AKT2: variants seen among roughly 807,000 people sequenced by gnomAD.
AKT2 encodes AKT serine/threonine kinase 2.
AKT2 carries 16 observed loss-of-function variants against 58.6 expected under a neutral mutation model. That is an observed-to-expected ratio of 0.27 (90% CI 0.18 to 0.41). The LOEUF is 0.41. Among genes scored for constraint, AKT2 ranks in the 10% least tolerant of loss-of-function variants. AKT2 has a pLI of 1.00. For missense variants in AKT2, 438 were observed against 661.0 expected (o/e 0.66, Z 3.70); for synonymous variants, 253 against 254.0 (o/e 1.00, Z 0.04).
chr19:40,276,405 C>T (rs1302502706), intron 1 of AKT2, among the ~76,000 whole-genome samples: 7 of 111,702 alleles, frequency 6.3e-5, no homozygotes, highest in Non-Finnish European at 3.3e-5. Flanking sequence ...CTCACTCTGT[C>T]GCCAGGCTGG....
intron 2 of AKT2, among the ~76,000 whole-genome samples, chr19:40,261,904 C>T (rs891735772): frequency 6.5e-4 from 98 of 149,684 alleles, no homozygotes; most frequent in Non-Finnish European, 1.2e-3. Flanking sequence ...ATTTCATCCC[C>T]GTTTTTTTTT....
chr19:40,274,678 TGA>T (rs2077276674), intron 1 of AKT2: 1 of 246,734 alleles, frequency 4.1e-6, no homozygotes, highest in Admixed American at 4.8e-5. Context: ...CGGAAGCAGG[TGA>T]GAGAGCCGGG....
At chr19:40,284,944 A>C in intron 1 of AKT2, 3 of 322,716 alleles carry the variant, frequency 9.3e-6, no homozygotes, top group Non-Finnish European at 1.1e-5. Context: ...CCCGTCCCGC[A>C]AACTTGCAGC....
intron 1 of AKT2, chr19:40,268,944 T>C (rs960654184): frequency 6.6e-6 from 1 of 152,278 alleles, no homozygotes; most frequent in African/African-American, 2.4e-5. Flanking sequence ...CTGACCAATA[T>C]GGAGAAATCT....
chr19:40,265,335 C>A lies in AKT2; in HGVS notation c.-68G>T. The A allele has an allele frequency of 6.3e-7, 1 of 1,584,566 alleles. No homozygotes were observed. The highest frequency in any genetic ancestry group is 2.3e-5 in the East Asian group (1 of 44,268). ...GGGCAGCAGGACATGCAGGAGGCACCGTGGACAGGGCACAGTCTGCAAGAC... is the reference window on the plus strand; with the variant it reads ...GGGCAGCAGGACATGCAGGAGGCACAGTGGACAGGGCACAGTCTGCAAGAC... On this transcript the variant is annotated 5_prime_UTR_variant, in exon 2 of 14. Coordinates refer to ENST00000392038, the MANE Select transcript of AKT2 (RefSeq NM_001626.6).
Position 40,232,598 on chromosome 19 carries a change from G to A in AKT2, c.*1274C>T, listed in dbSNP as rs115411240. The A allele has an allele frequency of 1.1e-4, 25 of 233,278 alleles. No homozygotes were observed. Among genetic ancestry groups the A allele is most frequent in the African/African-American group, 5.1e-4 (23 of 45,402 alleles). The allele number at this position is 233,278 out of a possible 1,614,324, so 14.5% of individuals were successfully genotyped here. On this transcript the variant is annotated 3_prime_UTR_variant, in exon 14 of 14. Coordinates refer to ENST00000392038, the MANE Select transcript of AKT2 (RefSeq NM_001626.6). ...GGGAGGCGTGGGCAGGGCAGCTCAT[G>A]GATCACAGTGGGGCTCCTCCCACTA...
intron 7 of AKT2, 99 bp downstream of exon 7, chr19:40,239,946 A>G: frequency 6.9e-7 from 1 of 1,450,672 alleles, no homozygotes. Flanking sequence ...CGCCTGGCCT[A>G]CCCCAAGACT....
At position 40,236,684 on chromosome 19, in the gene AKT2, A is replaced by G. The variant is rs533731998; in HGVS notation, c.832-299T>C. The G allele has an allele frequency of 4.0e-4, 176 of 442,820 alleles. 1 individual carries two copies. Among genetic ancestry groups the G allele is most frequent in the Admixed American group, 1.3e-3 (36 of 28,468 alleles). The allele number at this position is 442,820 out of a possible 1,614,324, so 27.4% of individuals were successfully genotyped here. A position where few individuals can be genotyped will look rare whatever the true frequency, so the allele number is the denominator to read the frequency against. On this transcript the variant is annotated intron_variant, in intron 9 of 13. Coordinates refer to ENST00000392038, the MANE Select transcript of AKT2 (RefSeq NM_001626.6). ...TGGTTCTTATTTCGAACGTGGGGGCACTAGCTTTCTTCTATTCTTTTTTTC... is the reference window on the plus strand; with the variant it reads ...TGGTTCTTATTTCGAACGTGGGGGCGCTAGCTTTCTTCTATTCTTTTTTTC...
At position 40,257,008 on chromosome 19, in the gene AKT2, G is replaced by A. The variant is rs35588791; in HGVS notation, c.93C>T (p.Ser31=). ...TWRPRYFLLK[S]DGSFIGYKER... ...CCTTGTACCCAATGAAGGAGCCGTCGCTCTTCAGCAGGAAGTACCGTGGCC... is the reference window on the plus strand; with the variant it reads ...CCTTGTACCCAATGAAGGAGCCGTCACTCTTCAGCAGGAAGTACCGTGGCC... The change falls in exon 3 of 14, where the codon AGC becomes AGT. Residue 31 remains serine (S), a synonymous_variant. Transcript: ENST00000392038. 6,859 of 1,614,128 alleles carry A rather than the reference G, an allele frequency of 4.2e-3. 38 individuals are homozygous for A. The highest frequency in any genetic ancestry group is 0.011 in the South Asian group (1,024 of 91,084).
chr19:40,280,100 C>T (rs958107669), intron 1 of AKT2, among the ~76,000 whole-genome samples: 5 of 152,244 alleles, frequency 3.3e-5, no homozygotes, highest in East Asian at 1.9e-4. Context: ...GGGTGCTGGG[C>T]GCCAGTCACA....
rs1568519554 is a variant in AKT2 at position 40,236,278 on chromosome 19, G to T, written c.939C>A (p.Thr313=). 1 of 1,613,974 alleles carries T rather than the reference G, an allele frequency of 6.2e-7. No homozygotes were observed. The highest frequency in any genetic ancestry group is 8.5e-7 in the Non-Finnish European group (1 of 1,180,036). Residue 313 remains threonine (T), a synonymous_variant, in exon 10 of 14, where the codon ACC becomes ACA. Transcript: ENST00000392038. ...DGATMKTFCG[T]PEYLAPEVLE... ...ACACCTCAGGCGCCAGGTACTCCGGGGTCCCACAGAAGGTTTTCATGGTGG... is the reference window on the plus strand; with the variant it reads ...ACACCTCAGGCGCCAGGTACTCCGGTGTCCCACAGAAGGTTTTCATGGTGG...
intron 1 of AKT2, 58 bp downstream of exon 1, chr19:40,285,123 G>A (rs2077491787): frequency 2.6e-6 from 1 of 391,280 alleles, no homozygotes; most frequent in Non-Finnish European, 4.5e-6. Context: ...GCACCGCGGG[G>A]GGCCCGGACG....
intron 1 of AKT2, among the ~76,000 whole-genome samples, chr19:40,272,371 C>G (rs2077231111): frequency 6.6e-6 from 1 of 152,166 alleles, no homozygotes; most frequent in Non-Finnish European, 1.5e-5. Context: ...GGGCTCAGCA[C>G]AGCACCCAGC....
In AKT2 at chr19:40,255,013, C is replaced by T. The variant is rs1044207480; in HGVS notation, c.287+145G>A. ...GACTAAGAACCCCAGCTCTTCTCAG[C>T]CCCAGCTGGAGAGACCCCCCAACCA... On this transcript the variant is annotated intron_variant, in intron 4 of 13. Coordinates refer to ENST00000392038, the MANE Select transcript of AKT2 (RefSeq NM_001626.6). 4.5e-6 allele frequency: 3 copies of T among 664,722 alleles called. No homozygotes were observed. The South Asian group carries it at 4.6e-5, about 10-fold the overall frequency. 41.2% of individuals were successfully genotyped at this position (664,722 alleles called of 1,614,324 possible). A position where few individuals can be genotyped will look rare whatever the true frequency, so the allele number is the denominator to read the frequency against.
chr19:40,267,925 C>T (rs978639385), intron 1 of AKT2, among the ~76,000 whole-genome samples: 1 of 142,754 alleles, frequency 7.0e-6, no homozygotes, highest in East Asian at 2.1e-4. Context: ...AGCAGACACC[C>T]GAGTTAACTG....
At position 40,240,128 on chromosome 19, in the gene AKT2, G is replaced by A. The variant is rs1489850710; in HGVS notation, c.574-18C>T. The A allele has an allele frequency of 7.4e-6, 12 of 1,613,836 alleles. No homozygotes were observed. The highest frequency in any genetic ancestry group is 1.7e-5 in the Admixed American group (1 of 60,026). ...ACTTCATCCTGCAGACAGACTGCGGGTGAGGGGCTGGTGGGCAACACCACA... is the reference window on the plus strand; with the variant it reads ...ACTTCATCCTGCAGACAGACTGCGGATGAGGGGCTGGTGGGCAACACCACA... On this transcript the variant is annotated intron_variant, in intron 6 of 13. Coordinates refer to ENST00000392038, the MANE Select transcript of AKT2 (RefSeq NM_001626.6).
chr19:40,265,304 A>AGCTCAGGGCAGCAGGACAT lies in AKT2; in HGVS notation c.-56_-38dup. The stretch of plus-strand genomic sequence containing the variant: ...GGTACGCTGTCACCTAGCTCGGGAC[A>AGCTCAGGGCAGCAGGACAT]GCTCAGGGCAGCAGGACATGCAGGA... On this transcript the variant is annotated 5_prime_UTR_variant, in exon 2 of 14. In the 5' UTR this introduces an upstream ATG that the reference lacks. Coordinates refer to ENST00000392038, the MANE Select transcript of AKT2 (RefSeq NM_001626.6). 1 of 1,607,000 alleles carries AGCTCAGGGCAGCAGGACAT rather than the reference A, an allele frequency of 6.2e-7. No homozygotes were observed. Among genetic ancestry groups the AGCTCAGGGCAGCAGGACAT allele is most frequent in the Non-Finnish European group, 8.5e-7 (1 of 1,176,928 alleles).
Position 40,242,324 on chromosome 19 carries a change from T to TGCA in AKT2, c.441+207_441+209dup. The TGCA allele has an allele frequency of 1.1e-6, 1 of 894,346 alleles. No homozygotes were observed. The highest frequency in any genetic ancestry group is 3.4e-4 in the Middle Eastern group (1 of 2,922). The allele number at this position is 894,346 out of a possible 1,614,324, so 55.4% of individuals were successfully genotyped here. The stretch of plus-strand genomic sequence containing the variant: ...TCTTCACCAACTCCCAGGACGAACC[T>TGCA]GCAGTGGGTCCACCCAAGGTTGCTC... On this transcript the variant is annotated intron_variant, in intron 5 of 13. Transcript: ENST00000392038. The surrounding 1 kb of genome is among the most constrained non-coding windows in gnomAD (Gnocchi z 4.3).
chr19:40,241,996 T>G lies in AKT2; in HGVS notation c.515A>C (p.Lys172Thr). Residue 172 changes from lysine (K) to threonine (T), a missense_variant, in exon 6 of 14, where the codon AAG (lysine) becomes ACG (threonine). Physicochemically the swap from Lys to Thr is moderately conservative, Grantham distance 78. Transcript: ENST00000392038. Reference sequence around the variant, plus strand: ...CATGGCGTAGTAGCGGCCAGTGGCCTTCTCCCGCACCAGGATGACTTTGCC... The same window carrying G: ...CATGGCGTAGTAGCGGCCAGTGGCCGTCTCCCGCACCAGGATGACTTTGCC... ...TFGKVILVRE[K>T]ATGRYYAMKI... The G allele has an allele frequency of 3.1e-6, 5 of 1,614,232 alleles. No homozygotes were observed. Among genetic ancestry groups the G allele is most frequent in the Non-Finnish European group, 4.2e-6 (5 of 1,180,048 alleles).
Sources: allele counts gnomAD v4.1 joint callset (sites outside exome capture counted in the v4.1 genomes callset), GRCh38; gene constraint gnomAD v4.1.1; non-coding constraint Gnocchi (gnomAD v3.1); transcripts MANE v1.5; gene names NCBI Gene and HGNC (gene_info 2026-07-23, HGNC 2026-07-21).